MTSS1: variants seen among roughly 807,000 people sequenced by gnomAD.
The protein encoded by MTSS1 is protein MTSS 1.
A neutral mutation model predicts 79.0 loss-of-function variants in MTSS1; 18 were observed. The observed-to-expected ratio is 0.23, with a 90% CI of 0.16 to 0.34. MTSS1 has a LOEUF of 0.34. Ranked by LOEUF, MTSS1 falls within the 10% of genes least tolerant of loss-of-function variation. MTSS1 has a pLI of 1.00. For missense variants in MTSS1, 815 were observed against 986.2 expected (o/e 0.83, Z 2.33); for synonymous variants, 341 against 368.6 (o/e 0.93, Z 0.86).
intron 3 of MTSS1, among the ~76,000 whole-genome samples, chr8:124,686,185 AGCAG>A (rs1247541855): frequency 6.6e-6 from 1 of 152,186 alleles, no homozygotes; most frequent in African/African-American, 2.4e-5. Context: ...CACAGCTGTG[AGCAG>A]GCAGAGGGGG....
At chr8:124,687,269 A>T (rs1827142372) in intron 3 of MTSS1, among the ~76,000 whole-genome samples, 1 of 152,208 alleles carries the variant, frequency 6.6e-6, no homozygotes, top group South Asian at 2.1e-4. Flanking sequence ...TCTCCCACAC[A>T]GACATACTGT....
intron 6 of MTSS1, among the ~76,000 whole-genome samples, chr8:124,571,701 C>T (rs577890184): frequency 1.3e-5 from 2 of 152,334 alleles, no homozygotes; most frequent in East Asian, 3.9e-4. Context: ...AACGGTGGCT[C>T]ATGCTTCTAA....
At chr8:124,671,050 T>C (rs981464827) in intron 3 of MTSS1, among the ~76,000 whole-genome samples, 4 of 129,188 alleles carry the variant, frequency 3.1e-5, no homozygotes, top group African/African-American at 9.0e-5. Context: ...TTTTTCTTTT[T>C]CTTTTTTTCC....
intron 1 of MTSS1, among the ~76,000 whole-genome samples, chr8:124,721,552 G>A (rs2135809885): frequency 6.6e-6 from 1 of 152,022 alleles, no homozygotes; most frequent in Non-Finnish European, 1.5e-5. Context: ...TGGGACTAGA[G>A]GTGTGCGTGA....
chr8:124,609,471 C>A (rs1009940095), intron 3 of MTSS1, among the ~76,000 whole-genome samples: 1 of 152,214 alleles, frequency 6.6e-6, no homozygotes, highest in Non-Finnish European at 1.5e-5. Flanking sequence ...AGGACATTCA[C>A]GTAACCTTCA....
intron 3 of MTSS1, among the ~76,000 whole-genome samples, chr8:124,594,806 G>A (rs1371718289): frequency 6.6e-6 from 1 of 152,182 alleles, no homozygotes; most frequent in Non-Finnish European, 1.5e-5. Flanking sequence ...CCTAAAAATA[G>A]GTCCATCTGT....
In MTSS1 at chr8:124,582,669, G is replaced by A. The variant is rs923503348; in HGVS notation, c.460+2418C>T. Among the ~76,000 whole-genome samples the A allele has an allele frequency of 6.6e-6, 1 of 152,162 alleles. No individual in the cohort carries two copies. Among genetic ancestry groups the A allele is most frequent in the Admixed American group, 6.5e-5 (1 of 15,278 alleles). The stretch of plus-strand genomic sequence containing the variant: ...ACCTTCATCCATCCGAACGCGTGGT[G>A]CGTCAGAAGGAACTGCTAACACTTT... On this transcript the variant is annotated intron_variant, in intron 6 of 13. Coordinates refer to ENST00000518547, the MANE Select transcript of MTSS1 (RefSeq NM_014751.6). The surrounding 1 kb of genome is among the most constrained non-coding windows in gnomAD (Gnocchi z 4.8).
intron 7 of MTSS1, 110 bp from the exon 8 acceptor site, chr8:124,567,288 A>G: frequency 1.1e-6 from 1 of 919,912 alleles, no homozygotes; most frequent in Non-Finnish European, 1.7e-6. Flanking sequence ...GTTTTTCAGA[A>G]AAGGCACTGT....
chr8:124,559,385 G>T (rs948759790), intron 10 of MTSS1, among the ~76,000 whole-genome samples: 5 of 152,176 alleles, frequency 3.3e-5, no homozygotes, highest in African/African-American at 1.2e-4. Context: ...ATCCATGAGG[G>T]GTGGTTTCCA....
At chr8:124,711,199 G>C (rs765121508) in intron 1 of MTSS1, among the ~76,000 whole-genome samples, 15 of 152,128 alleles carry the variant, frequency 9.9e-5, no homozygotes, top group Non-Finnish European at 1.9e-4. Flanking sequence ...CCATCATCTG[G>C]GGAGCTTGCA....
chr8:124,568,576 C>T (rs1236280094), intron 6 of MTSS1, 40 bp from the exon 7 acceptor site: 2 of 1,613,728 alleles, frequency 1.2e-6, no homozygotes, highest in Non-Finnish European at 1.7e-6. Flanking sequence ...TGCTGAAATA[C>T]CAGCTTCTGG....
intron 9 of MTSS1, among the ~76,000 whole-genome samples, chr8:124,565,045 C>T (rs916061605): frequency 1.3e-5 from 2 of 152,194 alleles, no homozygotes; most frequent in African/African-American, 2.4e-5. Flanking sequence ...CTTTCCTACT[C>T]GGCAAGCCAA....
intron 3 of MTSS1, among the ~76,000 whole-genome samples, chr8:124,670,395 G>GGCACCCCACACAGCCTGGCA (rs1393925061): frequency 6.6e-6 from 1 of 150,814 alleles, no homozygotes; most frequent in Admixed American, 6.6e-5. Flanking sequence ...ACAGCCTGGC[G>GGCACCCCACACAGCCTGGCA]GCACCCCACA....
chr8:124,556,331 C>G lies in MTSS1; in HGVS notation c.1305G>C (p.Pro435=), dbSNP rs377523813. ...TLQRRKEKRE[P]DPNGGGPTTA... ...TAGTGGGTCCTCCCCCGTTGGGGTC[C>G]GGTTCTCGCTTCTCTTTGCGGCGCT... Residue 435 remains proline (P), a synonymous_variant, in exon 12 of 14, where the codon CCG becomes CCC. Transcript: ENST00000518547. 1.2e-6 allele frequency: 2 copies of G among 1,614,216 alleles called. No individual in the cohort carries two copies. The highest frequency in any genetic ancestry group is 1.1e-5 in the South Asian group (1 of 91,080).
intron 10 of MTSS1, among the ~76,000 whole-genome samples, chr8:124,562,459 T>C (rs932377074): frequency 2.0e-5 from 3 of 152,192 alleles, no homozygotes; most frequent in South Asian, 2.1e-4. Flanking sequence ...CCTTTAATTA[T>C]AGCATTTAAT....
At position 124,553,501 on chromosome 8, in the gene MTSS1, C is replaced by T; in HGVS notation, c.1759G>A (p.Ala587Thr). 6.2e-7 allele frequency: 1 copy of T among 1,613,530 alleles called. No homozygotes were observed. The highest frequency in any genetic ancestry group is 1.1e-5 in the South Asian group (1 of 91,046). Residue 587 changes from alanine to threonine, a missense_variant, in exon 14 of 14, where the codon GCA becomes ACA. Physicochemically the swap from Ala to Thr is moderately conservative, Grantham distance 58. Transcript: ENST00000518547. The surrounding 1 kb of genome is among the most constrained non-coding windows in gnomAD (Gnocchi z 6.0). ...LGPAMVTPGV[A>T]TIRRTPSTKP... ...GTGGAAGGGGTCCGTCGGATAGTTG[C>T]AACCCCTGGAGTGACCATAGCAGGT...
rs563386091 is a variant in MTSS1 at position 124,662,245 on chromosome 8, A to G, written c.208+37281T>C. Among the ~76,000 whole-genome samples, 3 of 152,242 alleles carry G rather than the reference A, an allele frequency of 2.0e-5. No homozygotes were observed. In the East Asian group the frequency reaches 5.8e-4, roughly 29 times the overall value. On this transcript the variant is annotated intron_variant, in intron 3 of 13. Coordinates refer to ENST00000518547, the MANE Select transcript of MTSS1 (RefSeq NM_014751.6). Reference sequence around the variant, plus strand: ...CACTCAGGAAGACCATAATCCAATGACAACTGAGAATGAATAGAAGCTGCC... The same window carrying G: ...CACTCAGGAAGACCATAATCCAATGGCAACTGAGAATGAATAGAAGCTGCC...
intron 1 of MTSS1, among the ~76,000 whole-genome samples, chr8:124,709,314 G>A (rs1830821360): frequency 6.6e-6 from 1 of 152,002 alleles, no homozygotes; most frequent in Non-Finnish European, 1.5e-5. Context: ...GTTCATTCCT[G>A]AGGTTGCTGG....
At chr8:124,666,923 G>A (rs773451094) in intron 3 of MTSS1, among the ~76,000 whole-genome samples, 1 of 152,172 alleles carries the variant, frequency 6.6e-6, no homozygotes, top group Non-Finnish European at 1.5e-5. Context: ...GAGGAGTTTA[G>A]GGGGAGAGTT....
Sources: allele counts gnomAD v4.1 joint callset (sites outside exome capture counted in the v4.1 genomes callset), GRCh38; gene constraint gnomAD v4.1.1; non-coding constraint Gnocchi (gnomAD v3.1); transcripts MANE v1.5; gene names NCBI Gene and HGNC (gene_info 2026-07-23, HGNC 2026-07-21).